The following OTOF variants were observed in gnomAD, a reference collection of about 807,000 sequenced individuals.
The protein encoded by OTOF is fer-1-like family member 2.
A neutral mutation model predicts 236.8 loss-of-function variants in OTOF; 218 were observed. The ratio of observed to expected loss-of-function variants is 0.92; its 90% CI spans 0.82 to 1.03. The LOEUF is 1.03. Among genes scored for constraint, OTOF ranks in the 50% least tolerant of loss-of-function variants. The probability of loss-of-function intolerance (pLI) is 0.00; values close to 1 mark genes in which losing one functional copy is unlikely to be tolerated. For missense variants in OTOF, 2,590 were observed against 2,694.4 expected (o/e 0.96, Z 0.86); for synonymous variants, 1,041 against 1,072.5 (o/e 0.97, Z 0.57).
chr2:26,537,377 G>A (rs1667096342), intron 2 of OTOF, among the ~76,000 whole-genome samples: 1 of 152,220 alleles, frequency 6.6e-6, no homozygotes, highest in African/African-American at 2.4e-5. Flanking sequence ...GCCCTCAGCT[G>A]GTGGCTCACA....
intron 14 of OTOF, 27 bp from the exon 15 acceptor site, chr2:26,481,036 G>A (rs113843435): frequency 1.3e-6 from 2 of 1,558,224 alleles, no homozygotes; most frequent in Non-Finnish European, 8.8e-7. Context: ...AAAAATGAGG[G>A]GGCAGCGTCA....
At chr2:26,503,917 G>C (rs2148080579) in intron 5 of OTOF, 72 bp from the exon 6 acceptor site, 1 of 1,343,192 alleles carries the variant, frequency 7.4e-7, no homozygotes. Flanking sequence ...ACACAGAAGA[G>C]CCAAACATGA....
At chr2:26,552,849 G>A (rs983985783) in intron 1 of OTOF, among the ~76,000 whole-genome samples, 2 of 152,286 alleles carry the variant, frequency 1.3e-5, no homozygotes, top group East Asian at 3.9e-4. Context: ...TCGTCGTAAG[G>A]GTCCCCTCTA....
chr2:26,492,059 C>T (rs960556614), intron 9 of OTOF, among the ~76,000 whole-genome samples: 4 of 152,136 alleles, frequency 2.6e-5, no homozygotes, highest in African/African-American at 9.7e-5. Context: ...GGAGGATGTC[C>T]TTCATTGAAA....
rs1172733523 is a variant in OTOF at position 26,476,935 on chromosome 2, C to G, written c.2632G>C (p.Glu878Gln). ...ACCTTGGCGCAGTCCTTGCCAGTCT[C>G]CTCCTCCACGATGGAGAAGAGCAGG... Reference protein sequence around the residue: ...KDLLFSIVEEETGKDCAKVKT... With the variant: ...KDLLFSIVEEQTGKDCAKVKT... Residue 878 changes from glutamate (E) to glutamine (Q), a missense_variant, in exon 22 of 47, where the codon GAG becomes CAG. This residue lies in a region of OTOF where 1,379 missense variants were observed against 1,341.6 expected (regional missense o/e 1.03). Transcript: ENST00000272371. 6.2e-7 allele frequency: 1 copy of G among 1,611,058 alleles called. No individual in the cohort carries two copies.
chr2:26,504,067 C>T (rs896172916), intron 5 of OTOF, among the ~76,000 whole-genome samples: 9 of 152,130 alleles, frequency 5.9e-5, no homozygotes, highest in African/African-American at 2.2e-4. Context: ...CCTTTGCCAT[C>T]CTTTCACACA....
rs571713412 is a variant in OTOF, at chr2:26,457,896, C to T, written c.*342G>A. On this transcript the variant is annotated 3_prime_UTR_variant, in exon 47 of 47. Transcript: ENST00000272371. The surrounding 1 kb of genome is among the most constrained non-coding windows in gnomAD (Gnocchi z 4.4). ...CTGGGGCAGTGAGGACAGGCGGCCC[C>T]CGCAAGCAGGAGGCAGGCTCGGCCC... The T allele has an allele frequency of 1.9e-5, 16 of 839,750 alleles. 1 individual carries two copies. The South Asian group carries it at 2.6e-4, about 14-fold the overall frequency. The allele number at this position is 839,750 out of a possible 1,614,324, so 52.0% of individuals were successfully genotyped here.
intron 3 of OTOF, among the ~76,000 whole-genome samples, chr2:26,520,773 G>A (rs1168106618): frequency 6.6e-6 from 1 of 152,220 alleles, no homozygotes; most frequent in East Asian, 1.9e-4. Context: ...TCCGTACCAT[G>A]TAGACATTCT....
In OTOF at chr2:26,519,248, G is replaced by A. The variant is rs567964949; in HGVS notation, c.228-139C>T. ...GCTCTGGGCTGGGCTGGAGAAGGTG[G>A]CCCAGGAGCCAGGACTGGTTGCAGC... On this transcript the variant is annotated intron_variant, in intron 3 of 46. Transcript: ENST00000272371. 3 of 673,692 alleles carry A rather than the reference G, an allele frequency of 4.5e-6. No homozygotes were observed. The East Asian group carries it at 8.1e-5, about 18-fold the overall frequency. The allele number at this position is 673,692 out of a possible 1,614,324, so 41.7% of individuals were successfully genotyped here. A position where few individuals can be genotyped will look rare whatever the true frequency, so the allele number is the denominator to read the frequency against.
chr2:26,526,086 CAAAAAAAA>C (rs796661291), intron 3 of OTOF, among the ~76,000 whole-genome samples: 1 of 58,438 alleles, frequency 1.7e-5, no homozygotes, highest in East Asian at 7.0e-4. Context: ...GACTCTGTCT[CAAAAAAAA>C]AAAAAAAAAA....
At position 26,472,518 on chromosome 2, in the gene OTOF, C is replaced by A; in HGVS notation, c.3864+1G>T. On this transcript the variant is annotated splice_donor_variant, in intron 30 of 46. Coordinates refer to ENST00000272371, the MANE Select transcript of OTOF (RefSeq NM_194248.3). LOFTEE classifies it high-confidence loss of function. Reference sequence around the variant, plus strand: ...CAGGGGGCTGACCCCACCCGCCTTACCGCGTCCAGCTTCACCATGGTCTCC... The same window carrying A: ...CAGGGGGCTGACCCCACCCGCCTTAACGCGTCCAGCTTCACCATGGTCTCC... 2 of 1,613,498 alleles carry A rather than the reference C, an allele frequency of 1.2e-6. No individual in the cohort carries two copies. The highest frequency in any genetic ancestry group is 2.2e-5 in the South Asian group (2 of 91,084).
chr2:26,516,042 G>A (rs532803021), intron 5 of OTOF, among the ~76,000 whole-genome samples: 6 of 152,278 alleles, frequency 3.9e-5, no homozygotes, highest in South Asian at 4.1e-4. Context: ...TCAGGCTGCC[G>A]GCACCTGGTG....
chr2:26,521,091 C>T (rs1666665850), intron 3 of OTOF, among the ~76,000 whole-genome samples: 1 of 152,310 alleles, frequency 6.6e-6, no homozygotes, highest in East Asian at 1.9e-4. Context: ...ACACCACTGG[C>T]CCCGACCCCA....
chr2:26,532,283 G>C (rs1026379685), intron 2 of OTOF, among the ~76,000 whole-genome samples: 1 of 152,080 alleles, frequency 6.6e-6, no homozygotes, highest in Non-Finnish European at 1.5e-5. Flanking sequence ...AAGGCTGGTT[G>C]GTGGCAGAGG....
In OTOF at chr2:26,480,772, G is replaced by A. The variant is rs773745770; in HGVS notation, c.1803+14C>T. ...TGGAGGCCCTGGGGGACAGCACAGT[G>A]CCTGGGGTCTCACCTCCGAGATGGG... On this transcript the variant is annotated intron_variant, in intron 15 of 46. Coordinates refer to ENST00000272371, the MANE Select transcript of OTOF (RefSeq NM_194248.3). 1.2e-6 allele frequency: 2 copies of A among 1,604,688 alleles called. No individual in the cohort carries two copies. The highest frequency in any genetic ancestry group is 1.7e-6 in the Non-Finnish European group (2 of 1,174,484).
In OTOF at chr2:26,470,872, T is replaced by C. The variant is rs950149759; in HGVS notation, c.3895-151A>G. ...CCATGTCCAAGGGGCAGGGCCTTAT[T>C]TTATGGAGAAGGTGCCACAGGCCAC... On this transcript the variant is annotated intron_variant, in intron 31 of 46. Coordinates refer to ENST00000272371, the MANE Select transcript of OTOF (RefSeq NM_194248.3). The surrounding 1 kb of genome is among the most constrained non-coding windows in gnomAD (Gnocchi z 4.3). 1.4e-6 allele frequency: 2 copies of C among 1,432,292 alleles called. No individual in the cohort carries two copies. Among genetic ancestry groups the C allele is most frequent in the Admixed American group, 4.1e-5 (2 of 49,284 alleles). 88.7% of individuals were successfully genotyped at this position (1,432,292 alleles called of 1,614,324 possible). A position where few individuals can be genotyped will look rare whatever the true frequency, so the allele number is the denominator to read the frequency against.
intron 29 of OTOF, among the ~76,000 whole-genome samples, 171 bp downstream of exon 29, chr2:26,472,961 C>T (rs540749791): frequency 6.6e-6 from 1 of 152,222 alleles, no homozygotes; most frequent in Non-Finnish European, 1.5e-5. Flanking sequence ...GGCTGTAGAG[C>T]TGGCGTCACC....
At chr2:26,504,282 G>A (rs1291426776) in intron 5 of OTOF, among the ~76,000 whole-genome samples, 1 of 152,212 alleles carries the variant, frequency 6.6e-6, no homozygotes, top group Non-Finnish European at 1.5e-5. Context: ...CCCGAGGACT[G>A]GAGACAGAGC....
intron 2 of OTOF, among the ~76,000 whole-genome samples, chr2:26,532,527 G>T (rs181416845): frequency 6.6e-6 from 1 of 152,336 alleles, no homozygotes; most frequent in East Asian, 1.9e-4. Flanking sequence ...CAGAACGCAG[G>T]GATGCAGGGT....
Sources: allele counts gnomAD v4.1 joint callset (sites outside exome capture counted in the v4.1 genomes callset), GRCh38; gene constraint gnomAD v4.1.1; regional missense constraint gnomAD v4.1.1; non-coding constraint Gnocchi (gnomAD v3.1); transcripts MANE v1.5; gene names NCBI Gene and HGNC (gene_info 2026-07-23, HGNC 2026-07-21).